RPS6KB1: variants seen among roughly 807,000 people sequenced by gnomAD.
The protein encoded by RPS6KB1 is ribosomal protein S6 kinase beta-1.
Under a neutral mutation model 70.2 loss-of-function variants are expected in RPS6KB1, and 12 were observed. The observed-to-expected ratio is 0.17, with a 90% confidence interval of 0.11 to 0.28. RPS6KB1 has a LOEUF of 0.28. Among genes scored for constraint, RPS6KB1 ranks in the 10% least tolerant of loss-of-function variants. The probability of loss-of-function intolerance (pLI) is 1.00; values close to 1 mark genes in which losing one functional copy is unlikely to be tolerated. For missense variants in RPS6KB1, 270 were observed against 646.6 expected, an observed-to-expected ratio of 0.42 and a Z score of 6.32; for synonymous variants, 175 against 211.2, an observed-to-expected ratio of 0.83 and a Z score of 1.49.
chr17:59,937,175 T>A (rs1285062769), intron 12 of RPS6KB1, among the ~76,000 whole-genome samples: 1 of 152,220 alleles, frequency 6.6e-6, no homozygotes, highest in Non-Finnish European at 1.5e-5. Context: ...CATCTTTTAT[T>A]TTTGTACTAT....
chr17:59,935,930 G>A lies in RPS6KB1; in HGVS notation c.979-285G>A, dbSNP rs561687758. Among the ~76,000 whole-genome samples, 3 of 151,840 alleles carry A rather than the reference G, an allele frequency of 2.0e-5. No individual in the cohort carries two copies. In the East Asian group the frequency reaches 5.8e-4, roughly 29 times the overall value. ...AGGTTCAAGTGATTCTCCTGCCTCA[G>A]TCTCCCTAGTAGCTGGGATTACAGG... On this transcript the variant is annotated intron_variant, in intron 10 of 14. Transcript: ENST00000225577.
At chr17:59,896,750 G>A (rs901353981) in intron 1 of RPS6KB1, among the ~76,000 whole-genome samples, 1 of 152,112 alleles carries the variant, frequency 6.6e-6, no homozygotes, top group African/African-American at 2.4e-5. Flanking sequence ...TTTTGAGGAA[G>A]AGACTTCTGT....
At chr17:59,939,104 A>G (rs1568495682) in intron 12 of RPS6KB1, among the ~76,000 whole-genome samples, 1 of 152,030 alleles carries the variant, frequency 6.6e-6, no homozygotes, top group Non-Finnish European at 1.5e-5. Context: ...TAAAGGCAGG[A>G]TGTATGTTTG....
intron 12 of RPS6KB1, among the ~76,000 whole-genome samples, chr17:59,938,542 A>G (rs1259488221): frequency 6.6e-6 from 1 of 151,946 alleles, no homozygotes; most frequent in Non-Finnish European, 1.5e-5. Flanking sequence ...TAGAATTCTC[A>G]AATTTTGATT....
At chr17:59,922,493 CTATTTTTTCTG>C (rs1367558749) in intron 4 of RPS6KB1, among the ~76,000 whole-genome samples, 1 of 132,330 alleles carries the variant, frequency 7.6e-6, no homozygotes, top group Non-Finnish European at 1.6e-5. Context: ...GGAGACTTTT[CTATTTTTTCTG>C]TATTTTTTCT....
chr17:59,928,918 A>G (rs2043778211), intron 5 of RPS6KB1, among the ~76,000 whole-genome samples: 1 of 152,140 alleles, frequency 6.6e-6, no homozygotes, highest in Admixed American at 6.5e-5. Context: ...TTGAAGTGAC[A>G]TTGTGTCCTC....
chr17:59,941,721 C>T (rs1227816178), intron 13 of RPS6KB1, among the ~76,000 whole-genome samples: 3 of 151,332 alleles, frequency 2.0e-5, no homozygotes, highest in East Asian at 1.9e-4. Context: ...GCAACTTCTG[C>T]CTCCTGGGTT....
chr17:59,927,389 T>G (rs570573055), intron 5 of RPS6KB1, among the ~76,000 whole-genome samples: 1 of 151,840 alleles, frequency 6.6e-6, no homozygotes, highest in African/African-American at 2.4e-5. Context: ...CGGCCACAAG[T>G]ATCTATTTCT....
At chr17:59,924,449 C>T (rs1450545935) in intron 4 of RPS6KB1, among the ~76,000 whole-genome samples, 3 of 152,098 alleles carry the variant, frequency 2.0e-5, no homozygotes, top group Non-Finnish European at 2.9e-5. Context: ...CTTCCTACCC[C>T]TCATCCTTGT....
chr17:59,911,429 C>T (rs779685850), intron 2 of RPS6KB1, among the ~76,000 whole-genome samples: 8 of 151,992 alleles, frequency 5.3e-5, no homozygotes, highest in Admixed American at 2.0e-4. Context: ...GGCACAATCT[C>T]GGCTCACCAC....
At chr17:59,936,095 C>T in intron 10 of RPS6KB1, 120 bp from the exon 11 acceptor site, 2 of 860,618 alleles carry the variant, frequency 2.3e-6, no homozygotes, top group Non-Finnish European at 3.6e-6. Flanking sequence ...GCATGAGCCA[C>T]TGTGCCTGGC....
intron 1 of RPS6KB1, among the ~76,000 whole-genome samples, chr17:59,902,511 G>A (rs9910598): frequency 0.14 from 21,603 of 151,546 alleles, 1,682 homozygotes; most frequent in Middle Eastern, 0.19. Context: ...TCCATTTACC[G>A]GTTGATGTTC....
At chr17:59,933,085 A>G (rs2044029527) in intron 7 of RPS6KB1, among the ~76,000 whole-genome samples, 1 of 152,154 alleles carries the variant, frequency 6.6e-6, no homozygotes, top group Non-Finnish European at 1.5e-5. Context: ...GCAGCTGCTA[A>G]TCCTTAGATG....
At chr17:59,929,625 A>G (rs929662155) in intron 5 of RPS6KB1, among the ~76,000 whole-genome samples, 1 of 152,138 alleles carries the variant, frequency 6.6e-6, no homozygotes, top group African/African-American at 2.4e-5. Context: ...ACCTTTTATT[A>G]TCATTATTTA....
chr17:59,903,700 C>G (rs112816903), intron 1 of RPS6KB1, among the ~76,000 whole-genome samples: 34 of 152,190 alleles, frequency 2.2e-4, no homozygotes, highest in African/African-American at 8.2e-4. Flanking sequence ...CTCATCCTCC[C>G]CCAACTTACT....
At position 59,946,396 on chromosome 17, in the gene RPS6KB1, G is replaced by A. The variant is rs2044927667; in HGVS notation, c.1341-155G>A. Among the ~76,000 whole-genome samples the A allele has an allele frequency of 6.6e-6, 1 of 152,072 alleles. No homozygotes were observed. Among genetic ancestry groups the A allele is most frequent in the Non-Finnish European group, 1.5e-5 (1 of 68,012 alleles). On this transcript the variant is annotated intron_variant, in intron 14 of 14. Transcript: ENST00000225577. This position sits in a 1 kb window ranked among gnomAD's most constrained non-coding sequence, Gnocchi z 4.2. Reference sequence around the variant, plus strand: ...TAGCAGTTAATCTAGGTGGGGGAGAGATGGTTCAATTTTTGCCTTTGTGCT... The same window carrying A: ...TAGCAGTTAATCTAGGTGGGGGAGAAATGGTTCAATTTTTGCCTTTGTGCT...
At chr17:59,905,959 G>A (rs550394918) in intron 1 of RPS6KB1, among the ~76,000 whole-genome samples, 2 of 152,114 alleles carry the variant, frequency 1.3e-5, no homozygotes, top group Admixed American at 1.3e-4. Flanking sequence ...CTCAGCTCGA[G>A]TTTTATAGTT....
chr17:59,894,311 C>A (rs2041369843), intron 1 of RPS6KB1, among the ~76,000 whole-genome samples: 1 of 151,884 alleles, frequency 6.6e-6, no homozygotes. Context: ...ACAAATTGCA[C>A]CTGAAGTTCA....
At chr17:59,915,533 T>G (rs563267407) in intron 4 of RPS6KB1, among the ~76,000 whole-genome samples, 1 of 152,076 alleles carries the variant, frequency 6.6e-6, no homozygotes, top group East Asian at 1.9e-4. Flanking sequence ...TTGTACAATC[T>G]CAGCTCACTG....
Sources: allele counts gnomAD v4.1 joint callset (sites outside exome capture counted in the v4.1 genomes callset), GRCh38; gene constraint gnomAD v4.1.1; non-coding constraint Gnocchi (gnomAD v3.1); transcripts MANE v1.5; gene names NCBI Gene and HGNC (gene_info 2026-07-23, HGNC 2026-07-21).